MIPOL1: variants seen among roughly 807,000 people sequenced by gnomAD.
The protein encoded by MIPOL1 is mirror-image polydactyly gene 1 protein.
MIPOL1 carries 57 observed loss-of-function variants against 60.9 expected under a neutral mutation model. The ratio of observed to expected loss-of-function variants is 0.94; its 90% CI spans 0.76 to 1.17. The LOEUF is 1.17. Among genes scored for constraint, MIPOL1 ranks in the 50% most tolerant of loss-of-function variants. MIPOL1 has a pLI of 0.00. For synonymous variants in MIPOL1, 179 were observed against 168.8 expected (o/e 1.06, Z -0.47); for missense variants, 551 against 511.6 (o/e 1.08, Z -0.74).
At chr14:37,347,936 G>T (rs995077097) in intron 9 of MIPOL1, among the ~76,000 whole-genome samples, 2 of 151,976 alleles carry the variant, frequency 1.3e-5, no homozygotes, top group Non-Finnish European at 2.9e-5. Flanking sequence ...TTAGATTCAT[G>T]GGGTACATGT....
intron 9 of MIPOL1, among the ~76,000 whole-genome samples, chr14:37,345,278 T>C (rs533493805): frequency 9.9e-5 from 15 of 152,062 alleles, no homozygotes; most frequent in Non-Finnish European, 1.9e-4. Flanking sequence ...TAATATTTTT[T>C]CATTTTTTGT....
chr14:37,307,930 G>A, intron 7 of MIPOL1, 126 bp from the exon 8 acceptor site: 1 of 744,252 alleles, frequency 1.3e-6, no homozygotes, highest in South Asian at 1.7e-5. Context: ...TATGTTCAGT[G>A]TCATGGTTGA....
intron 9 of MIPOL1, among the ~76,000 whole-genome samples, chr14:37,332,290 C>CT (rs1159532446): frequency 6.6e-6 from 1 of 152,030 alleles, no homozygotes; most frequent in Non-Finnish European, 1.5e-5. Context: ...TTATCAAATG[C>CT]TTTTTTTGAA....
chr14:37,428,152 G>A (rs2093997787), intron 11 of MIPOL1, among the ~76,000 whole-genome samples: 1 of 152,168 alleles, frequency 6.6e-6, no homozygotes, highest in Non-Finnish European at 1.5e-5. Flanking sequence ...AATACAGCCG[G>A]CATGTATACT....
chr14:37,418,406 A>G (rs1372798949), intron 10 of MIPOL1, among the ~76,000 whole-genome samples: 1 of 152,172 alleles, frequency 6.6e-6, no homozygotes, highest in Admixed American at 6.5e-5. Flanking sequence ...ACTGATATCA[A>G]GATAGGTAAC....
intron 12 of MIPOL1, among the ~76,000 whole-genome samples, chr14:37,534,204 C>T (rs2095495602): frequency 6.6e-6 from 1 of 152,000 alleles, no homozygotes; most frequent in Admixed American, 6.6e-5. Flanking sequence ...GAAAGGCTAA[C>T]CTTTACTTAG....
intron 9 of MIPOL1, among the ~76,000 whole-genome samples, chr14:37,323,434 G>A (rs921527205): frequency 6.6e-6 from 1 of 151,956 alleles, no homozygotes; most frequent in Non-Finnish European, 1.5e-5. Flanking sequence ...TGTTCTTTTT[G>A]CTTAGGATTG....
chr14:37,277,023 A>C (rs1173818352), intron 6 of MIPOL1: 1 of 151,248 alleles, frequency 6.6e-6, no homozygotes, highest in East Asian at 1.9e-4. Flanking sequence ...TTCCTAGAAA[A>C]GTTTGGTTTT....
intron 7 of MIPOL1, among the ~76,000 whole-genome samples, chr14:37,297,035 A>G (rs943317861): frequency 3.3e-5 from 5 of 152,236 alleles, no homozygotes; most frequent in Admixed American, 6.5e-5. Context: ...TCCTTGATGA[A>G]CATTGATGCA....
At chr14:37,500,768 G>C (rs558135307) in intron 12 of MIPOL1, among the ~76,000 whole-genome samples, 1 of 152,108 alleles carries the variant, frequency 6.6e-6, no homozygotes, top group Admixed American at 6.6e-5. Context: ...TAATTTAATG[G>C]ACTTGAACAT....
At chr14:37,356,145 G>C (rs2091798638) in intron 9 of MIPOL1, among the ~76,000 whole-genome samples, 1 of 151,256 alleles carries the variant, frequency 6.6e-6, no homozygotes, top group African/African-American at 2.4e-5. Context: ...CTCAGCTGCA[G>C]GTCTGTTGGA....
intron 1 of MIPOL1, among the ~76,000 whole-genome samples, chr14:37,239,962 A>T (rs975235650): frequency 9.2e-5 from 14 of 152,200 alleles, no homozygotes; most frequent in African/African-American, 3.1e-4. Context: ...TGCATGCAGC[A>T]CTGTCCTTTG....
chr14:37,442,278 C>G (rs993002653), intron 11 of MIPOL1, among the ~76,000 whole-genome samples: 1 of 152,060 alleles, frequency 6.6e-6, no homozygotes, highest in Non-Finnish European at 1.5e-5. Flanking sequence ...TTCACAGAGT[C>G]TTTAGGGTAT....
intron 11 of MIPOL1, among the ~76,000 whole-genome samples, chr14:37,424,314 C>T (rs2093924420): frequency 1.3e-5 from 2 of 152,048 alleles, no homozygotes; most frequent in Admixed American, 1.3e-4. Context: ...GGCTCTAATC[C>T]ACTACTAGTG....
chr14:37,292,149 T>C (rs1368754710), intron 7 of MIPOL1, among the ~76,000 whole-genome samples: 3 of 151,864 alleles, frequency 2.0e-5, no homozygotes, highest in Non-Finnish European at 4.4e-5. Context: ...ATGGTCTCTA[T>C]CTCTGGACCT....
intron 11 of MIPOL1, among the ~76,000 whole-genome samples, chr14:37,438,310 T>G (rs140891607): frequency 3.3e-5 from 5 of 152,330 alleles, no homozygotes; most frequent in African/African-American, 1.2e-4. Flanking sequence ...GATATAATTT[T>G]TAAAGCTACG....
intron 9 of MIPOL1, among the ~76,000 whole-genome samples, chr14:37,313,857 G>A (rs1003616939): frequency 6.6e-6 from 1 of 152,110 alleles, no homozygotes; most frequent in Non-Finnish European, 1.5e-5. Context: ...GCAAAGCACA[G>A]CAAGGCAAAG....
chr14:37,456,188 T>G (rs1362264363), intron 11 of MIPOL1, among the ~76,000 whole-genome samples: 1 of 152,204 alleles, frequency 6.6e-6, no homozygotes, highest in African/African-American at 2.4e-5. Flanking sequence ...TTTTCAGTCC[T>G]TTGCCTATCC....
intron 1 of MIPOL1, among the ~76,000 whole-genome samples, chr14:37,230,584 G>A (rs1239233219): frequency 6.6e-6 from 1 of 151,116 alleles, no homozygotes; most frequent in African/African-American, 2.5e-5. Flanking sequence ...ATAAGATGTT[G>A]AAGAAATCCC....
Sources: allele counts gnomAD v4.1 joint callset (sites outside exome capture counted in the v4.1 genomes callset), GRCh38; gene constraint gnomAD v4.1.1; transcripts MANE v1.5; gene names NCBI Gene and HGNC (gene_info 2026-07-23, HGNC 2026-07-21).